Variants in DGKB observed in about 807,000 individuals in gnomAD.
DGKB encodes 90 kDa diacylglycerol kinase.
A neutral mutation model predicts 114.3 loss-of-function variants in DGKB; 67 were observed. The ratio of observed to expected loss-of-function variants is 0.59; its 90% CI spans 0.48 to 0.72. DGKB has a LOEUF of 0.72. DGKB is among the 30% of genes least tolerant of loss of function. The pLI is 0.00. For missense variants in DGKB, 907 were observed against 975.2 expected (o/e 0.93, Z 0.93); for synonymous variants, 398 against 323.1 (o/e 1.23, Z -2.49).
intron 25 of DGKB, among the ~76,000 whole-genome samples, chr7:14,165,877 G>A (rs907534307): frequency 6.6e-6 from 1 of 152,278 alleles, no homozygotes; most frequent in African/African-American, 2.4e-5. Flanking sequence ...ACTACTGTCT[G>A]TTTTACACCT....
At chr7:14,604,671 C>T (rs1244281022) in intron 17 of DGKB, among the ~76,000 whole-genome samples, 1 of 152,064 alleles carries the variant, frequency 6.6e-6, no homozygotes, top group African/African-American at 2.4e-5. Flanking sequence ...TAACGCCATA[C>T]ATTAAAAGGG....
At chr7:14,868,683 G>T (rs1481022030) in intron 1 of DGKB, among the ~76,000 whole-genome samples, 1 of 152,070 alleles carries the variant, frequency 6.6e-6, no homozygotes, top group East Asian at 1.9e-4. Flanking sequence ...ATGAGAAATT[G>T]CCCTTCTCCT....
intron 20 of DGKB, among the ~76,000 whole-genome samples, chr7:14,541,409 C>T (rs1793423484): frequency 6.6e-6 from 1 of 152,146 alleles, no homozygotes. Flanking sequence ...AGCCTGCTCT[C>T]ACGTAGCACA....
chr7:14,464,581 A>T (rs1465948149), intron 21 of DGKB, among the ~76,000 whole-genome samples: 1 of 152,214 alleles, frequency 6.6e-6, no homozygotes, highest in Admixed American at 6.5e-5. Flanking sequence ...ACATGTAAAG[A>T]TTTATTCTTT....
At chr7:14,810,367 A>G (rs1843273863) in intron 2 of DGKB, among the ~76,000 whole-genome samples, 1 of 150,460 alleles carries the variant, frequency 6.6e-6, no homozygotes, top group African/African-American at 2.4e-5. Context: ...ATTCTCAGCC[A>G]TGTTTAGACT....
At chr7:14,169,684 G>A (rs115891794) in intron 25 of DGKB, among the ~76,000 whole-genome samples, 1 of 152,108 alleles carries the variant, frequency 6.6e-6, no homozygotes, top group African/African-American at 2.4e-5. Context: ...CATCATAGCT[G>A]TGTTGGTCAG....
At chr7:14,536,006 A>T (rs1792431932) in intron 20 of DGKB, among the ~76,000 whole-genome samples, 1 of 152,228 alleles carries the variant, frequency 6.6e-6, no homozygotes, top group South Asian at 2.1e-4. Context: ...AAATAAAAAT[A>T]ACAAAAAGGA....
At chr7:14,475,881 G>A (rs552860414) in intron 21 of DGKB, among the ~76,000 whole-genome samples, 1 of 152,174 alleles carries the variant, frequency 6.6e-6, no homozygotes, top group South Asian at 2.1e-4. Flanking sequence ...TTATGAGTAA[G>A]AAGACTTAAA....
chr7:14,736,154 A>T lies in DGKB; in HGVS notation c.209T>A (p.Phe70Tyr), dbSNP rs1831682423. Residue 70 changes from phenylalanine (F) to tyrosine (Y), a missense_variant, in exon 5 of 26, where the codon TTC becomes TAC. Coordinates refer to ENST00000402815, the MANE Select transcript of DGKB (RefSeq NM_001350709.2). ...ATCATCAGGAAGCTCGGCTTCCAGG[A>T]ATGTCTTCATGAATAGTTTGAAACC... The part of the protein sequence containing the change: ...FEGFKLFMKT[F>Y]LEAELPDDFT... 6.2e-7 allele frequency: 1 copy of T among 1,606,748 alleles called. No individual in the cohort carries two copies. The highest frequency in any genetic ancestry group is 8.5e-7 in the Non-Finnish European group (1 of 1,174,798).
Position 14,694,196 on chromosome 7 carries a change from T to G in DGKB, c.592-2A>C. 1 of 1,563,050 alleles carries G rather than the reference T, an allele frequency of 6.4e-7. No individual in the cohort carries two copies. Among genetic ancestry groups the G allele is most frequent in the Non-Finnish European group, 8.7e-7 (1 of 1,152,606 alleles). On this transcript the variant is annotated splice_acceptor_variant, in intron 8 of 25. Transcript: ENST00000402815. LOFTEE classifies it high-confidence loss of function. ...TTCTTCCATCATTTCATGGAGGATC[T>G]GGAGTAGAGGAGATAAGGGAAAATT...
chr7:14,332,409 T>C (rs931688019), intron 23 of DGKB, among the ~76,000 whole-genome samples: 2 of 152,140 alleles, frequency 1.3e-5, no homozygotes, highest in African/African-American at 4.8e-5. Context: ...GTAGGAGTGA[T>C]TAAGCTTAAG....
intron 23 of DGKB, among the ~76,000 whole-genome samples, chr7:14,270,048 CAAAAAAAAAAAA>C (rs397889901): frequency 5.7e-5 from 3 of 52,864 alleles, no homozygotes; most frequent in Admixed American, 2.8e-4. Context: ...GCTTTTTTTG[CAAAAAAAAAAAA>C]AAAAAAAAAA....
intron 21 of DGKB, among the ~76,000 whole-genome samples, chr7:14,380,162 T>C (rs1283874462): frequency 6.6e-6 from 1 of 152,094 alleles, no homozygotes; most frequent in African/African-American, 2.4e-5. Context: ...TTAAAACAGT[T>C]ATCACTGCCC....
intron 23 of DGKB, among the ~76,000 whole-genome samples, chr7:14,220,775 T>C (rs1789804947): frequency 6.6e-6 from 1 of 151,554 alleles, no homozygotes; most frequent in South Asian, 2.1e-4. Flanking sequence ...TATCTGTTTA[T>C]TTACATCTTC....
rs1784627090 is a variant in DGKB, at chr7:14,491,751, A to C, written c.1771-13526T>G. ...AAAATATCGTTGATTGATTCTTTTT[A>C]AATGATAAATAACATTTGTCCTCAT... On this transcript the variant is annotated intron_variant, in intron 20 of 25. Coordinates refer to ENST00000402815, the MANE Select transcript of DGKB (RefSeq NM_001350709.2). Among the ~76,000 whole-genome samples the C allele has an allele frequency of 2.0e-5, 3 of 152,216 alleles. No homozygotes were observed. The South Asian group carries it at 6.2e-4, about 32-fold the overall frequency.
At chr7:14,672,810 A>C in intron 13 of DGKB, 119 bp downstream of exon 13, 1 of 512,492 alleles carries the variant, frequency 2.0e-6, no homozygotes, top group Non-Finnish European at 3.5e-6. Flanking sequence ...GACGTATTTT[A>C]GATCTATATA....
intron 23 of DGKB, among the ~76,000 whole-genome samples, chr7:14,178,951 C>T (rs1305873920): frequency 6.6e-6 from 1 of 151,974 alleles, no homozygotes; most frequent in East Asian, 1.9e-4. Flanking sequence ...TGTGATTCTC[C>T]TCATTTACAG....
At chr7:14,153,892 C>T (rs114906176) in intron 25 of DGKB, among the ~76,000 whole-genome samples, 1 of 152,042 alleles carries the variant, frequency 6.6e-6, no homozygotes, top group African/African-American at 2.4e-5. Context: ...GAACTCTATA[C>T]TTAGTCAATG....
chr7:14,342,252 A>G (rs985204138), intron 22 of DGKB, among the ~76,000 whole-genome samples: 1 of 151,862 alleles, frequency 6.6e-6, no homozygotes, highest in Non-Finnish European at 1.5e-5. Context: ...AAAATTTACC[A>G]TCTTTCCCAG....
Sources: allele counts gnomAD v4.1 joint callset (sites outside exome capture counted in the v4.1 genomes callset), GRCh38; gene constraint gnomAD v4.1.1; transcripts MANE v1.5; gene names NCBI Gene and HGNC (gene_info 2026-07-23, HGNC 2026-07-21).